The following CNTNAP5 variants were observed in gnomAD, a reference collection of about 807,000 sequenced individuals.
CNTNAP5 encodes contactin-associated protein-like 5.
CNTNAP5 carries 72 observed loss-of-function variants against 150.2 expected under a neutral mutation model. The ratio of observed to expected loss-of-function variants is 0.48; its 90% CI spans 0.40 to 0.58. The LOEUF (loss-of-function observed/expected upper bound fraction) is 0.58, where lower values mean the gene tolerates loss of function less well. Ranked by LOEUF, CNTNAP5 falls within the 20% of genes least tolerant of loss-of-function variation. The pLI, the probability that CNTNAP5 is intolerant of heterozygous loss-of-function variation, is 0.00. For missense variants in CNTNAP5, 1,636 were observed against 1,626.2 expected, an observed-to-expected ratio of 1.01 and a Z score of -0.10; for synonymous variants, 672 against 619.8, an observed-to-expected ratio of 1.08 and a Z score of -1.25.
At chr2:124,081,109 T>A (rs896560534) in intron 1 of CNTNAP5, among the ~76,000 whole-genome samples, 1 of 152,180 alleles carries the variant, frequency 6.6e-6, no homozygotes, top group African/African-American at 2.4e-5. Flanking sequence ...TAGGTGTATG[T>A]TAATGGAGAG....
At chr2:124,196,102 T>TA (rs1425554773) in intron 1 of CNTNAP5, among the ~76,000 whole-genome samples, 3 of 151,966 alleles carry the variant, frequency 2.0e-5, no homozygotes, top group African/African-American at 4.8e-5. Context: ...TGTAATGATT[T>TA]AAAAAATGCC....
chr2:124,803,114 A>G (rs989100411), intron 19 of CNTNAP5, among the ~76,000 whole-genome samples: 2 of 144,194 alleles, frequency 1.4e-5, no homozygotes, highest in Non-Finnish European at 3.0e-5. Flanking sequence ...GACTCCTTCA[A>G]AAAAAAAAAA....
chr2:124,206,965 A>AT (rs1470107355), intron 1 of CNTNAP5, among the ~76,000 whole-genome samples: 1 of 152,148 alleles, frequency 6.6e-6, no homozygotes, highest in South Asian at 2.1e-4. Flanking sequence ...CAAACAATTG[A>AT]TTTTTTTAAC....
chr2:124,818,070 A>G (rs1457075574), intron 19 of CNTNAP5, among the ~76,000 whole-genome samples: 1 of 152,292 alleles, frequency 6.6e-6, no homozygotes, highest in South Asian at 2.1e-4. Flanking sequence ...CTGGCTGCAG[A>G]TATAGCTAAG....
chr2:124,339,358 T>A (rs1459907266), intron 3 of CNTNAP5, among the ~76,000 whole-genome samples: 3 of 152,122 alleles, frequency 2.0e-5, no homozygotes, highest in Admixed American at 6.6e-5. Context: ...GAGTGTAGTA[T>A]AATTAAAATT....
At chr2:124,332,824 G>A (rs1689381866) in intron 3 of CNTNAP5, among the ~76,000 whole-genome samples, 1 of 152,002 alleles carries the variant, frequency 6.6e-6, no homozygotes, top group Non-Finnish European at 1.5e-5. Flanking sequence ...AAAGTTGTGT[G>A]TCTGTATTAG....
chr2:124,504,769 C>T (rs569099920), intron 8 of CNTNAP5, among the ~76,000 whole-genome samples: 3 of 143,702 alleles, frequency 2.1e-5, no homozygotes, highest in African/African-American at 7.8e-5. Flanking sequence ...TGCAGTGGCT[C>T]GATCTCAGCT....
intron 3 of CNTNAP5, among the ~76,000 whole-genome samples, chr2:124,257,552 C>T (rs1687342786): frequency 6.6e-6 from 1 of 152,214 alleles, no homozygotes; most frequent in Non-Finnish European, 1.5e-5. Context: ...AATTCTTCCT[C>T]ATCTTTCAAG....
At chr2:124,760,106 T>C (rs892568542) in intron 14 of CNTNAP5, among the ~76,000 whole-genome samples, 5 of 152,052 alleles carry the variant, frequency 3.3e-5, no homozygotes, top group Middle Eastern at 3.4e-3. Context: ...CCATTCCTCC[T>C]TTGCAGCCAT....
chr2:124,740,189 A>G (rs986729071), intron 13 of CNTNAP5, among the ~76,000 whole-genome samples: 3 of 152,006 alleles, frequency 2.0e-5, no homozygotes, highest in African/African-American at 4.8e-5. Context: ...ATACACACAC[A>G]CAAAACTTGC....
intron 17 of CNTNAP5, among the ~76,000 whole-genome samples, chr2:124,789,472 G>C (rs1681670461): frequency 6.6e-6 from 1 of 152,072 alleles, no homozygotes; most frequent in Non-Finnish European, 1.5e-5. Context: ...GTATAACATG[G>C]ATTTGTCGTA....
chr2:124,132,745 G>A (rs1192415449), intron 1 of CNTNAP5, among the ~76,000 whole-genome samples: 1 of 152,104 alleles, frequency 6.6e-6, no homozygotes. Context: ...CTGCCAATTG[G>A]AGATATAATT....
At chr2:124,879,654 T>C (rs1469355951) in intron 21 of CNTNAP5, among the ~76,000 whole-genome samples, 1 of 152,118 alleles carries the variant, frequency 6.6e-6, no homozygotes, top group African/African-American at 2.4e-5. Context: ...TTATTTGTTT[T>C]GAAGATATGA....
At chr2:124,186,091 G>T (rs1305356815) in intron 1 of CNTNAP5, among the ~76,000 whole-genome samples, 1 of 152,190 alleles carries the variant, frequency 6.6e-6, no homozygotes, top group Non-Finnish European at 1.5e-5. Flanking sequence ...AACACAGCTT[G>T]CTGGGCCTTA....
At chr2:124,539,809 T>C (rs1462080679) in intron 10 of CNTNAP5, among the ~76,000 whole-genome samples, 2 of 152,186 alleles carry the variant, frequency 1.3e-5, no homozygotes, top group Non-Finnish European at 2.9e-5. Context: ...ATAATTTACC[T>C]ACATATATAA....
intron 8 of CNTNAP5, among the ~76,000 whole-genome samples, chr2:124,508,006 A>G (rs997889233): frequency 3.9e-5 from 6 of 152,124 alleles, no homozygotes; most frequent in African/African-American, 1.2e-4. Flanking sequence ...TTGTGTCCAA[A>G]TGGAGGGGAT....
Position 124,025,352 on chromosome 2 carries a change from T to TAAAAA in CNTNAP5, c.-297_-296insAAAAA. ...CACCGAGCTCCGGCGCCTGTCGTTC[T>TAAAAA]AATTGGGTTTGGATTTGCACCGTTA... On this transcript the variant is annotated 5_prime_UTR_variant, in exon 1 of 24. Transcript: ENST00000682447. 1 of 361,024 alleles carries TAAAAA rather than the reference T, an allele frequency of 2.8e-6. No homozygotes were observed. Among genetic ancestry groups the TAAAAA allele is most frequent in the Non-Finnish European group, 5.2e-6 (1 of 190,636 alleles). 22.4% of individuals were successfully genotyped at this position (361,024 alleles called of 1,614,324 possible).
chr2:124,777,099 C>A (rs1681340473), intron 17 of CNTNAP5, among the ~76,000 whole-genome samples: 1 of 149,906 alleles, frequency 6.7e-6, no homozygotes, highest in Non-Finnish European at 1.5e-5. Context: ...ACATAAGAAA[C>A]ACTAGAAGAG....
chr2:124,903,308 C>A (rs1164632623), intron 22 of CNTNAP5, among the ~76,000 whole-genome samples: 1 of 152,004 alleles, frequency 6.6e-6, no homozygotes, highest in Non-Finnish European at 1.5e-5. Context: ...GTAATTAAAA[C>A]TAAATGCATA....
Sources: gnomAD v4.1 joint callset for allele counts (sites outside exome capture counted in the v4.1 genomes callset) on GRCh38, gnomAD v4.1.1 for gene constraint, MANE v1.5 for transcripts, NCBI Gene and HGNC (gene_info 2026-07-23, HGNC 2026-07-21) for gene names.